MRS2: variants seen among roughly 807,000 people sequenced by gnomAD.
The protein encoded by MRS2 is magnesium transporter MRS2.
In MRS2, 40 loss-of-function variants were observed where a neutral mutation model predicts 52.6. The ratio of observed to expected loss-of-function variants is 0.76; its 90% CI spans 0.59 to 0.99. MRS2 has a LOEUF of 0.99. MRS2 is among the 50% of genes least tolerant of loss of function. The pLI is 0.00. For synonymous variants in MRS2, 193 were observed against 195.9 expected (o/e 0.98, Z 0.13); for missense variants, 472 against 532.7 (o/e 0.89, Z 1.12).
In MRS2 at chr6:24,402,995, T is replaced by G. The variant is rs370155384; in HGVS notation, c.-52T>G. 402 of 1,487,466 alleles carry G rather than the reference T, an allele frequency of 2.7e-4. No homozygotes were observed. The highest frequency in any genetic ancestry group is 3.5e-4 in the Non-Finnish European group (386 of 1,114,888). The allele number at this position is 1,487,466 out of a possible 1,614,324, so 92.1% of individuals were successfully genotyped here. ...AGAGCTGCGGCCTGAGCAGCCAGCG[T>G]CCGGCATGAAGGTCTGGGGTCTGGC... is the stretch of plus-strand genomic sequence containing the variant. On this transcript the variant is annotated 5_prime_UTR_variant, in exon 1 of 11. Coordinates refer to ENST00000378386, the MANE Select transcript of MRS2 (RefSeq NM_020662.4).
chr6:24,408,451 G>A lies in MRS2; in HGVS notation c.301+7G>A, dbSNP rs770533666. Reference sequence around the variant, plus strand: ...GGAAACGTTACTTCTTTTGGTGAGTGATTAGCATTCTAAATCATTTTTTAA... The same window carrying A: ...GGAAACGTTACTTCTTTTGGTGAGTAATTAGCATTCTAAATCATTTTTTAA... On this transcript the variant is annotated splice_region_variant and intron_variant, in intron 3 of 10. Transcript: ENST00000378386. 1 of 1,574,672 alleles carries A rather than the reference G, an allele frequency of 6.4e-7. No homozygotes were observed. The highest frequency in any genetic ancestry group is 8.7e-7 in the Non-Finnish European group (1 of 1,145,978).
chr6:24,416,749 A>T (rs1328450234), intron 7 of MRS2, among the ~76,000 whole-genome samples: 4 of 152,208 alleles, frequency 2.6e-5, no homozygotes, highest in Non-Finnish European at 5.9e-5. Context: ...ATAAACACAC[A>T]GTTACCTTTA....
At chr6:24,412,440 A>C (rs1039328983) in intron 5 of MRS2, 45 bp downstream of exon 5, 1 of 1,423,042 alleles carries the variant, frequency 7.0e-7, no homozygotes, top group Non-Finnish European at 9.4e-7. Context: ...TCTGATTTTG[A>C]AATGTCATTG....
intron 9 of MRS2, among the ~76,000 whole-genome samples, chr6:24,422,522 T>G (rs1762080922): frequency 6.6e-6 from 1 of 152,164 alleles, no homozygotes; most frequent in Admixed American, 6.5e-5. Flanking sequence ...TCCTTTATGT[T>G]ATTTCCCTTG....
At position 24,418,452 on chromosome 6, in the gene MRS2, C is replaced by T. The variant is rs200880298; in HGVS notation, c.990-9C>T. 4 of 1,613,034 alleles carry T rather than the reference C, an allele frequency of 2.5e-6. No homozygotes were observed. Among genetic ancestry groups the T allele is most frequent in the Non-Finnish European group, 3.4e-6 (4 of 1,179,906 alleles). On this transcript the variant is annotated splice_polypyrimidine_tract_variant and intron_variant, in intron 8 of 10. Transcript: ENST00000378386. ...CCCTTCTAATCTGAATAGGTGTTCT[C>T]CTCTCCAGCCACCGAAACGTGATGA...
intron 5 of MRS2, among the ~76,000 whole-genome samples, chr6:24,413,587 A>G (rs924281572): frequency 1.3e-5 from 2 of 152,182 alleles, no homozygotes; most frequent in African/African-American, 4.8e-5. Context: ...AGAGGGTTTG[A>G]TATCTCTTAG....
intron 4 of MRS2, 95 bp from the exon 5 acceptor site, chr6:24,412,127 A>G: frequency 1.6e-6 from 1 of 615,842 alleles, no homozygotes; most frequent in African/African-American, 1.9e-5. Flanking sequence ...TACAATTTGC[A>G]TATATATATG....
chr6:24,423,557 T>C (rs776156690), intron 10 of MRS2, 27 bp from the exon 11 acceptor site: 2 of 1,353,660 alleles, frequency 1.5e-6, no homozygotes, highest in South Asian at 2.5e-5. Flanking sequence ...AAAAAGATAC[T>C]AAAATTAATA....
chr6:24,415,967 G>A (rs913024945), intron 6 of MRS2, among the ~76,000 whole-genome samples: 1 of 151,954 alleles, frequency 6.6e-6, no homozygotes, highest in African/African-American at 2.4e-5. Context: ...GTTTCACTCC[G>A]TTGCCCAGGC....
intron 6 of MRS2, among the ~76,000 whole-genome samples, chr6:24,415,959 T>C (rs1203109037): frequency 6.6e-6 from 1 of 151,646 alleles, no homozygotes; most frequent in Non-Finnish European, 1.5e-5. Flanking sequence ...GAGACGGGGT[T>C]TCACTCCGTT....
rs779100202 is a variant in MRS2, at chr6:24,416,380, G to A, written c.720-17G>A. 1.0e-6 allele frequency: 1 copy of A among 964,004 alleles called. No individual in the cohort carries two copies. The highest frequency in any genetic ancestry group is 2.0e-5 in the Admixed American group (1 of 50,088). The allele number at this position is 964,004 out of a possible 1,614,324, so 59.7% of individuals were successfully genotyped here. A position where few individuals can be genotyped will look rare whatever the true frequency, so the allele number is the denominator to read the frequency against. On this transcript the variant is annotated splice_polypyrimidine_tract_variant and intron_variant, in intron 6 of 10. Transcript: ENST00000378386. ...AGTTTATTCTATTGATCATTTTTGTGTATCTATTTCTTATAGTCTATCAGA... is the reference window on the plus strand; with the variant it reads ...AGTTTATTCTATTGATCATTTTTGTATATCTATTTCTTATAGTCTATCAGA...
chr6:24,405,246 G>C lies in MRS2; in HGVS notation c.264+5G>C. The C allele has an allele frequency of 6.2e-7, 1 of 1,603,530 alleles. No individual in the cohort carries two copies. The highest frequency in any genetic ancestry group is 1.1e-5 in the South Asian group (1 of 90,830). On this transcript the variant is annotated splice_donor_5th_base_variant and intron_variant, in intron 2 of 10. Coordinates refer to ENST00000378386, the MANE Select transcript of MRS2 (RefSeq NM_020662.4). ...GTAGCCCCAGTATTTACTGTGGTGA[G>C]TATGTACAGTACATTGGAAATCGTA...
intron 6 of MRS2, among the ~76,000 whole-genome samples, chr6:24,416,138 G>T (rs1391483011): frequency 2.0e-5 from 3 of 152,044 alleles, no homozygotes; most frequent in Non-Finnish European, 4.4e-5. Context: ...GTCCAGGAGG[G>T]TCTCAAACTC....
At chr6:24,417,948 A>G (rs2127294611) in intron 7 of MRS2, 136 bp from the exon 8 acceptor site, 1 of 674,316 alleles carries the variant, frequency 1.5e-6, no homozygotes, top group Non-Finnish European at 2.3e-6. Flanking sequence ...CTCAAAAAAA[A>G]AAAAAGACAA....
Position 24,408,440 on chromosome 6 carries a change from T to C in MRS2, c.297T>C (p.Ser99=). ...TTGACAAACAGGGAAACGTTACTTC[T>C]TTTGGTGAGTGATTAGCATTCTAAA... ...TKFDKQGNVT[S]FERKKTELYQ... The change falls in exon 3 of 11, where the codon TCT becomes TCC. Residue 99 remains serine, a synonymous_variant. Transcript: ENST00000378386. 6.3e-7 allele frequency: 1 copy of C among 1,580,358 alleles called. No homozygotes were observed. Among genetic ancestry groups the C allele is most frequent in the South Asian group, 1.1e-5 (1 of 89,860 alleles).
intron 6 of MRS2, among the ~76,000 whole-genome samples, chr6:24,415,449 A>G (rs986611030): frequency 6.6e-6 from 1 of 152,222 alleles, no homozygotes; most frequent in Non-Finnish European, 1.5e-5. Flanking sequence ...CTAAATTTAT[A>G]TGGCTAGTAA....
At chr6:24,416,345 TGTTCTTATA>T in intron 6 of MRS2, 43 bp from the exon 7 acceptor site, 1 of 763,240 alleles carries the variant, frequency 1.3e-6, no homozygotes. Flanking sequence ...TATTATGAAA[TGTTCTTATA>T]AGTTTATTCT....
Position 24,403,124 on chromosome 6 carries a change from C to G in MRS2, c.78C>G (p.Ala26=). The change falls in exon 1 of 11, where the codon GCC becomes GCG. Residue 26 remains alanine (A), a synonymous_variant. Transcript: ENST00000378386. The part of the protein sequence containing the change: ...RLPRRTLCAL[A]LDVTSVGPPV... ...CCCGGCGGACGCTGTGTGCCCTGGC[C>G]TTGGACGTGACCTCTGTGGGTCCTC... 6.2e-7 allele frequency: 1 copy of G among 1,612,184 alleles called. No homozygotes were observed. Among genetic ancestry groups the G allele is most frequent in the African/African-American group, 1.3e-5 (1 of 75,048 alleles).
Position 24,403,052 on chromosome 6 carries a change from A to G in MRS2, c.6A>G (p.Glu2=), listed in dbSNP as rs940241845. The G allele has an allele frequency of 6.2e-7, 1 of 1,604,648 alleles. No homozygotes were observed. Among genetic ancestry groups the G allele is most frequent in the East Asian group, 2.2e-5 (1 of 44,674 alleles). Residue 2 remains glutamate, a synonymous_variant, in exon 1 of 11, where the codon GAA becomes GAG. Transcript: ENST00000378386. ...CTGCTTCTTGCTCCAGCACCATGGA[A>G]TGCCTGCGCAGTTTACCCTGCCTCC... is the stretch of plus-strand genomic sequence containing the variant. M[E]CLRSLPCLLP... is the part of the protein sequence containing the mutation.
Sources: gnomAD v4.1 joint callset for allele counts (sites outside exome capture counted in the v4.1 genomes callset) on GRCh38, gnomAD v4.1.1 for gene constraint, MANE v1.5 for transcripts, NCBI Gene and HGNC (gene_info 2026-07-23, HGNC 2026-07-21) for gene names.